The following KCNT1 variants were observed in gnomAD, a reference collection of about 807,000 sequenced individuals.
KCNT1 encodes potassium sodium-activated channel subfamily T member 1, also known as potassium channel subfamily T member 1.
Under a neutral mutation model 147.8 loss-of-function variants are expected in KCNT1, and 78 were observed. That is an observed-to-expected ratio of 0.53 (90% CI 0.44 to 0.64). The LOEUF (loss-of-function observed/expected upper bound fraction) is 0.64. Among genes scored for constraint, KCNT1 ranks in the 30% least tolerant of loss-of-function variants. KCNT1 has a pLI of 0.00. For synonymous variants in KCNT1, 867 were observed against 748.8 expected, an observed-to-expected ratio of 1.16 and a Z score of -2.58; for missense variants, 1,419 against 1,750.3, an observed-to-expected ratio of 0.81 and a Z score of 3.38.
At chr9:135,719,922 G>T (rs1414434743) in intron 2 of KCNT1, among the ~76,000 whole-genome samples, 1 of 152,208 alleles carries the variant, frequency 6.6e-6, no homozygotes, top group Non-Finnish European at 1.5e-5. Context: ...TAGCTCCTCT[G>T]ACAACAGAGA....
At position 135,784,098 on chromosome 9, in the gene KCNT1, C is replaced by T. The variant is rs878855056; in HGVS notation, c.2916C>T (p.Ile972=). Residue 972 remains isoleucine (I), a synonymous_variant, in exon 25 of 31, where the codon ATC becomes ATT. Coordinates refer to ENST00000371757, the MANE Select transcript of KCNT1 (RefSeq NM_020822.3). ...TCGCCGCCGGCCGCGTCTTCAGCAT[C>T]AGCATGTTGGACACACTGCTCTACC... ...LPFAAGRVFS[I]SMLDTLLYQS... is the part of the protein sequence containing the mutation. 6.2e-7 allele frequency: 1 copy of T among 1,605,314 alleles called. No homozygotes were observed. The highest frequency in any genetic ancestry group is 8.5e-7 in the Non-Finnish European group (1 of 1,179,942).
At chr9:135,761,923 C>T (rs1377488549) in intron 11 of KCNT1, among the ~76,000 whole-genome samples, 2 of 152,228 alleles carry the variant, frequency 1.3e-5, no homozygotes. Flanking sequence ...CGAAGAGGAG[C>T]CCCAGCCCCA....
chr9:135,703,961 G>C (rs990394889), intron 1 of KCNT1, among the ~76,000 whole-genome samples: 2 of 152,248 alleles, frequency 1.3e-5, no homozygotes, highest in Non-Finnish European at 2.9e-5. Flanking sequence ...AGCAGCCGCC[G>C]GCAGTGGAGG....
In KCNT1 at chr9:135,772,768, G is replaced by A. The variant is rs570983410; in HGVS notation, c.2062G>A (p.Gly688Ser). The A allele has an allele frequency of 1.8e-5, 26 of 1,478,502 alleles. No homozygotes were observed. In the Admixed American group the frequency reaches 2.0e-4, roughly 11 times the overall value. The allele number at this position is 1,478,502 out of a possible 1,614,324, so 91.6% of individuals were successfully genotyped here. ...GTEHRPTQSG[G>S]GGGGSKLALP... ...AGAGCACCGGCCTACGCAGAGCGGC[G>A]GTGGGGGCGGGGGCAGCAAGCTGGC... The change falls in exon 19 of 31, where the codon GGT becomes AGT. Residue 688 changes from glycine (G) to serine (S), a missense_variant. Around this residue, in one of 5 missense-constraint regions of KCNT1, gnomAD observed 284 missense variants for 292.8 expected, o/e 0.97. Coordinates refer to ENST00000371757, the MANE Select transcript of KCNT1 (RefSeq NM_020822.3).
intron 2 of KCNT1, among the ~76,000 whole-genome samples, chr9:135,729,247 A>C (rs1836335491): frequency 6.6e-6 from 1 of 152,224 alleles, no homozygotes; most frequent in South Asian, 2.1e-4. Flanking sequence ...GAAGAGGTGA[A>C]GTGACTGGAG....
At chr9:135,717,094 T>C (rs550558723) in intron 2 of KCNT1, among the ~76,000 whole-genome samples, 1 of 144,198 alleles carries the variant, frequency 6.9e-6, no homozygotes, top group African/African-American at 2.7e-5. Flanking sequence ...GGTATTGGTG[T>C]CTATAGGACG....
chr9:135,732,026 A>AGAGAGAGAGG (rs1836498792), intron 2 of KCNT1, among the ~76,000 whole-genome samples: 5 of 131,764 alleles, frequency 3.8e-5, no homozygotes, highest in East Asian at 4.6e-4. Flanking sequence ...AGAGAGAGAG[A>AGAGAGAGAGG]GAGAGAGAGA....
chr9:135,735,602 G>A (rs946968997), intron 2 of KCNT1, among the ~76,000 whole-genome samples: 16 of 152,232 alleles, frequency 1.1e-4, no homozygotes, highest in Non-Finnish European at 2.1e-4. Context: ...AGTTTGGGGC[G>A]GGCCGGCCCA....
chr9:135,741,609 C>T (rs1040446627), intron 2 of KCNT1, among the ~76,000 whole-genome samples: 2 of 152,178 alleles, frequency 1.3e-5, no homozygotes, highest in Non-Finnish European at 1.5e-5. Context: ...GACCTCGGCC[C>T]TCCCAGGGGT....
intron 2 of KCNT1, among the ~76,000 whole-genome samples, chr9:135,749,651 C>T (rs926052645): frequency 2.4e-4 from 37 of 152,252 alleles, no homozygotes; most frequent in African/African-American, 8.7e-4. Flanking sequence ...TGACCATCAG[C>T]TGTGGACAGC....
intron 2 of KCNT1, among the ~76,000 whole-genome samples, chr9:135,744,964 G>A (rs1830746663): frequency 6.6e-6 from 1 of 152,220 alleles, no homozygotes; most frequent in Non-Finnish European, 1.5e-5. Context: ...GCAGAGGTGA[G>A]ACGGGCCCGG....
chr9:135,771,063 G>T lies in KCNT1; in HGVS notation c.1976G>T (p.Arg659Leu). The change falls in exon 18 of 31, where the codon CGC (arginine) becomes CTC (leucine). Residue 659 changes from arginine to leucine, a missense_variant. Arg to Leu is a moderately radical substitution (Grantham distance 102). This residue lies in a region of KCNT1 where 284 missense variants were observed against 292.8 expected (regional missense o/e 0.97). Coordinates refer to ENST00000371757, the MANE Select transcript of KCNT1 (RefSeq NM_020822.3). Reference sequence around the variant, plus strand: ...CAGGGGCTGCACGAGGGTCCGGCCCGCCTGCCCGTGCACAGCATCATCGCC... The same window carrying T: ...CAGGGGCTGCACGAGGGTCCGGCCCTCCTGCCCGTGCACAGCATCATCGCC... Reference protein sequence around the residue: ...SGQGLHEGPARLPVHSIIASM... With the variant: ...SGQGLHEGPALLPVHSIIASM... 1 of 1,611,526 alleles carries T rather than the reference G, an allele frequency of 6.2e-7. No individual in the cohort carries two copies. Among genetic ancestry groups the T allele is most frequent in the Non-Finnish European group, 8.5e-7 (1 of 1,179,084 alleles).
In KCNT1 at chr9:135,743,496, T is replaced by A. The variant is rs1243057112; in HGVS notation, c.255-6602T>A. Among the ~76,000 whole-genome samples, 6 of 151,956 alleles carry A rather than the reference T, an allele frequency of 3.9e-5. No individual in the cohort carries two copies. The South Asian group carries it at 1.0e-3, about 26-fold the overall frequency. Reference sequence around the variant, plus strand: ...TGCCCGGCACCCATGGTGGGACCTATTATTATCCCAAAAGAGTCCTGGAGG... The same window carrying A: ...TGCCCGGCACCCATGGTGGGACCTAATATTATCCCAAAAGAGTCCTGGAGG... On this transcript the variant is annotated intron_variant, in intron 2 of 30. Transcript: ENST00000371757.
In KCNT1 at chr9:135,779,386, G is replaced by A. The variant is rs775752475; in HGVS notation, c.2757G>A (p.Thr919=). 31 of 1,613,544 alleles carry A rather than the reference G, an allele frequency of 1.9e-5. No individual in the cohort carries two copies. Among genetic ancestry groups the A allele is most frequent in the African/African-American group, 1.9e-4 (14 of 74,844 alleles). The change falls in exon 24 of 31, where the codon ACG becomes ACA. Residue 919 remains threonine, a synonymous_variant. Transcript: ENST00000371757. ...FRLFPSLSIT[T]ELTHPSNMRF... is the part of the protein sequence containing the mutation. Reference sequence around the variant, plus strand: ...TCTTCCCCAGCCTCAGCATCACCACGGAGCTCACCCACCCTTCCAACATGC... The same window carrying A: ...TCTTCCCCAGCCTCAGCATCACCACAGAGCTCACCCACCCTTCCAACATGC...
At chr9:135,742,874 G>A (rs1442119775) in intron 2 of KCNT1, 1 of 714,414 alleles carries the variant, frequency 1.4e-6, no homozygotes, top group East Asian at 2.7e-5. Context: ...AGAGGTGTGA[G>A]AGCCCTTGTT....
At chr9:135,786,667 C>T (rs1329139509) in intron 29 of KCNT1, 146 bp downstream of exon 29, 2 of 786,008 alleles carry the variant, frequency 2.5e-6, no homozygotes, top group African/African-American at 1.8e-5. Flanking sequence ...TCTGGCCACC[C>T]TCTGCCTGCC....
chr9:135,784,548 A>G lies in KCNT1; in HGVS notation c.2957A>G (p.Asp986Gly). Residue 986 changes from aspartate (D) to glycine (G), a missense_variant, in exon 26 of 31, where the codon GAC becomes GGC. Transcript: ENST00000371757. ...DTLLYQSFVK[D>G]YMITITRLLL... ...CTCCCTGGCCAGTCCTTCGTGAAGG[A>G]CTACATGATCACCATCACCCGGCTG... 1 of 1,399,408 alleles carries G rather than the reference A, an allele frequency of 7.1e-7. No individual in the cohort carries two copies. The highest frequency in any genetic ancestry group is 9.4e-7 in the Non-Finnish European group (1 of 1,059,010). 86.7% of individuals were successfully genotyped at this position (1,399,408 alleles called of 1,614,324 possible).
chr9:135,781,759 G>A (rs1381129152), intron 24 of KCNT1, among the ~76,000 whole-genome samples: 2 of 152,204 alleles, frequency 1.3e-5, no homozygotes, highest in Non-Finnish European at 2.9e-5. Context: ...AGGAAAAAGG[G>A]AGGAGGTGGA....
At position 135,792,100 on chromosome 9, in the gene KCNT1, G is replaced by A; in HGVS notation, c.3647G>A (p.Ser1216Asn). The A allele has an allele frequency of 6.2e-7, 1 of 1,604,508 alleles. No homozygotes were observed. The highest frequency in any genetic ancestry group is 8.5e-7 in the Non-Finnish European group (1 of 1,179,414). The stretch of plus-strand genomic sequence containing the variant: ...GCCAGCAGCTCCCAGAGCCGGAAGA[G>A]CAGCTGCAGCCACAAGCTGTCGTCC... ...HVASSSQSRK[S>N]SCSHKLSSCN... The change falls in exon 31 of 31, where the codon AGC (serine) becomes AAC (asparagine). Residue 1216 changes from serine to asparagine, a missense_variant. This residue lies in a region of KCNT1 where 306 missense variants were observed against 294.2 expected (regional missense o/e 1.04). Transcript: ENST00000371757.
Sources: gnomAD v4.1 joint callset for allele counts (sites outside exome capture counted in the v4.1 genomes callset) on GRCh38, gnomAD v4.1.1 for gene constraint, gnomAD v4.1.1 regional missense constraint, MANE v1.5 for transcripts, NCBI Gene and HGNC (gene_info 2026-07-23, HGNC 2026-07-21) for gene names.